Variants in DRC8 observed in about 807,000 individuals in gnomAD.
DRC8 encodes the protein dynein regulatory complex subunit 8, also known as dynein regulatory complex protein 8.
At chr1:245,087,283 T>A in the DRC8 span, 1 of 1,611,048 alleles carries the variant, frequency 6.2e-7, no homozygotes, top group Non-Finnish European at 8.5e-7. Context: ...AGAAATGTTG[T>A]CTGCTGCAAT....
chr1:245,047,877 C>T, the DRC8 span, among the ~76,000 whole-genome samples: 3 of 142,132 alleles, frequency 2.1e-5, no homozygotes, highest in East Asian at 2.2e-4. Flanking sequence ...TGAGAGGCTG[C>T]GGCAGGGGAA....
At chr1:245,068,608 AT>A in the DRC8 span, among the ~76,000 whole-genome samples, 933 of 140,784 alleles carry the variant, frequency 6.6e-3, no homozygotes, top group African/African-American at 6.7e-3. Flanking sequence ...CTCCCAGCTA[AT>A]TTTTTTTTTT....
the DRC8 span, among the ~76,000 whole-genome samples, chr1:245,119,070 C>A: frequency 6.6e-6 from 1 of 151,928 alleles, no homozygotes; most frequent in Admixed American, 6.6e-5. Flanking sequence ...GGCTGTTATG[C>A]GAGGGTGGGA....
the DRC8 span, among the ~76,000 whole-genome samples, chr1:245,021,936 A>C: frequency 6.6e-6 from 1 of 152,046 alleles, no homozygotes; most frequent in Non-Finnish European, 1.5e-5. Context: ...CAGCCTCCCG[A>C]GCTGGGACTA....
chr1:245,104,360 C>T, the DRC8 span, among the ~76,000 whole-genome samples: 2 of 151,990 alleles, frequency 1.3e-5, no homozygotes, highest in African/African-American at 4.8e-5. Context: ...AAAGAGCAGC[C>T]GGGTGTGGTG....
chr1:244,993,323 C>G, the DRC8 span, among the ~76,000 whole-genome samples: 1 of 152,196 alleles, frequency 6.6e-6, no homozygotes, highest in Non-Finnish European at 1.5e-5. Context: ...GTAGAATGCA[C>G]TCACTCTCTC....
chr1:244,970,600 G>A, the DRC8 span: 5 of 856,156 alleles, frequency 5.8e-6, no homozygotes, highest in African/African-American at 2.1e-5. Context: ...AGCAGCAGTC[G>A]CCCTGCCCCC....
chr1:245,008,705 A>T, the DRC8 span, among the ~76,000 whole-genome samples: 1 of 147,162 alleles, frequency 6.8e-6, no homozygotes, highest in Non-Finnish European at 1.5e-5. Flanking sequence ...TCAGAGCAAG[A>T]TCCTTCAGGC....
chr1:245,082,990 T>A, the DRC8 span, among the ~76,000 whole-genome samples: 7 of 152,118 alleles, frequency 4.6e-5, no homozygotes, highest in African/African-American at 1.2e-4. Flanking sequence ...ATTACAGGCA[T>A]GAGCCACCAT....
chr1:245,107,814 C>T, the DRC8 span, among the ~76,000 whole-genome samples: 2 of 152,186 alleles, frequency 1.3e-5, no homozygotes, highest in African/African-American at 4.8e-5. Flanking sequence ...CCCAGCCCAG[C>T]CCAGATTCCC....
chr1:245,062,888 A>G, the DRC8 span, among the ~76,000 whole-genome samples: 4 of 152,150 alleles, frequency 2.6e-5, no homozygotes, highest in African/African-American at 7.2e-5. Flanking sequence ...CTGTGCTCAA[A>G]CAACTCTGCT....
the DRC8 span, among the ~76,000 whole-genome samples, chr1:245,106,526 A>G: frequency 1.3e-5 from 2 of 151,810 alleles, no homozygotes; most frequent in African/African-American, 4.8e-5. Context: ...TTGTATATTT[A>G]AAATAATGTA....
chr1:245,091,170 TGTG>T, the DRC8 span: 1 of 151,854 alleles, frequency 6.6e-6, no homozygotes, highest in African/African-American at 2.4e-5. Flanking sequence ...AGGAAAGGAG[TGTG>T]GTGATCCTCG....
the DRC8 span, chr1:244,970,449 G>A: frequency 7.2e-6 from 11 of 1,528,374 alleles, no homozygotes; most frequent in Admixed American, 4.0e-5. Flanking sequence ...GGAAGGTAAG[G>A]TAGGGGAGCC....
At chr1:245,062,735 T>G in the DRC8 span, among the ~76,000 whole-genome samples, 121 of 152,342 alleles carry the variant, frequency 7.9e-4, no homozygotes, top group African/African-American at 2.7e-3. Context: ...CTTGCCCTTT[T>G]TTGGTTGTAG....
At chr1:245,096,960 C>T in the DRC8 span, among the ~76,000 whole-genome samples, 1 of 152,172 alleles carries the variant, frequency 6.6e-6, no homozygotes, top group East Asian at 1.9e-4. Flanking sequence ...GCTGTCTGCA[C>T]ACAGGGCTTA....
At chr1:245,092,663 T>G in the DRC8 span, among the ~76,000 whole-genome samples, 1 of 152,196 alleles carries the variant, frequency 6.6e-6, no homozygotes, top group Non-Finnish European at 1.5e-5. Context: ...AACTTATATT[T>G]TTAATATTCT....
chr1:245,067,295 G>A, the DRC8 span, among the ~76,000 whole-genome samples: 1 of 151,956 alleles, frequency 6.6e-6, no homozygotes, highest in Non-Finnish European at 1.5e-5. Flanking sequence ...ACCACGCCTG[G>A]CCCAATACAT....
chr1:245,122,529 G>A, the DRC8 span: 4 of 153,078 alleles, frequency 2.6e-5, no homozygotes, highest in East Asian at 1.9e-4. Context: ...CATGATCACA[G>A]CTCACTGTAG....
Sources: gnomAD v4.1 joint callset for allele counts (sites outside exome capture counted in the v4.1 genomes callset) on GRCh38, gnomAD v4.1.1 for gene constraint, MANE v1.5 for transcripts, NCBI Gene and HGNC (gene_info 2026-07-23, HGNC 2026-07-21) for gene names.